BRWD3: variants seen among roughly 807,000 people sequenced by gnomAD.
BRWD3 encodes the protein bromodomain and WD repeat-containing protein 3.
In BRWD3, 10 loss-of-function variants were observed where a neutral mutation model predicts 149.7. The ratio of observed to expected loss-of-function variants is 0.07; its 90% CI spans 0.04 to 0.11. The LOEUF is 0.11. Ranked by LOEUF, BRWD3 falls within the 10% of genes least tolerant of loss-of-function variation. The pLI is 1.00. For synonymous variants in BRWD3, 504 were observed against 456.7 expected (o/e 1.10, Z -1.32); for missense variants, 940 against 1,373.2 (o/e 0.68, Z 4.99).
At chrX:80,719,782 A>G (rs2073118914) in intron 17 of BRWD3, 126 bp from the exon 18 acceptor site, 1 of 646,580 alleles carries the variant, frequency 1.5e-6, no homozygotes, top group Non-Finnish European at 2.4e-6. Context: ...AATAAAGTAT[A>G]TATCAAATGA....
chrX:80,730,259 A>G (rs988935446), intron 12 of BRWD3, among the ~76,000 whole-genome samples: 1 of 110,110 alleles, frequency 9.1e-6, no homozygotes, highest in Admixed American at 9.9e-5. Flanking sequence ...CCACATAAAA[A>G]TGTGTACATG....
At chrX:80,733,520 G>A (rs1397745671) in intron 11 of BRWD3, 24 bp from the exon 12 acceptor site, 6 of 1,151,278 alleles carry the variant, frequency 5.2e-6, no homozygotes, top group Non-Finnish European at 7.1e-6. Flanking sequence ...CAGATTTTTC[G>A]TTAAAATGGA....
At chrX:80,797,374 G>C (rs906841485) in intron 4 of BRWD3, among the ~76,000 whole-genome samples, 1 of 110,981 alleles carries the variant, frequency 9.0e-6, no homozygotes, top group Non-Finnish European at 1.9e-5. Context: ...AAGATATTCA[G>C]TTGTTACATA....
At chrX:80,760,380 C>T (rs1410319152) in intron 6 of BRWD3, among the ~76,000 whole-genome samples, 2 of 111,760 alleles carry the variant, frequency 1.8e-5, no homozygotes, top group East Asian at 5.6e-4. Context: ...ATATCACGAA[C>T]ATAGCAAAGA....
chrX:80,725,803 C>T (rs144011467), intron 14 of BRWD3, among the ~76,000 whole-genome samples: 477 of 90,916 alleles, frequency 5.2e-3, no homozygotes, highest in Non-Finnish European at 7.5e-3. Flanking sequence ...AACATGTTTA[C>T]ATGTGTTACA....
At chrX:80,744,350 T>G (rs1233712473) in intron 7 of BRWD3, 97 bp from the exon 8 acceptor site, 10 of 629,785 alleles carry the variant, frequency 1.6e-5, no homozygotes, top group Non-Finnish European at 5.2e-6. Context: ...TTAAATTACT[T>G]CTAAGCCTTT....
At chrX:80,800,437 G>T (rs1475203365) in intron 4 of BRWD3, among the ~76,000 whole-genome samples, 1 of 106,139 alleles carries the variant, frequency 9.4e-6, no homozygotes, top group Non-Finnish European at 1.9e-5. Context: ...AGCTATCAGA[G>T]GCTGAGGTGG....
chrX:80,808,397 TG>T, intron 4 of BRWD3, 141 bp downstream of exon 4: 1 of 491,105 alleles, frequency 2.0e-6, no homozygotes. Context: ...CTAGCAGGGA[TG>T]GGGGAAGGGG....
chrX:80,692,828 T>C (rs772572745), intron 28 of BRWD3, 112 bp downstream of exon 28: 241 of 597,711 alleles, frequency 4.0e-4, no homozygotes, highest in Non-Finnish European at 4.5e-4. Flanking sequence ...GGTACAGGTA[T>C]TGTGAGACTA....
intron 6 of BRWD3, among the ~76,000 whole-genome samples, chrX:80,752,658 T>C (rs1002210177): frequency 8.0e-5 from 9 of 111,880 alleles, no homozygotes; most frequent in Admixed American, 7.6e-4. Context: ...ATTAGTGATG[T>C]TGAGCATTTT....
At chrX:80,763,411 C>T (rs1023317339) in intron 6 of BRWD3, among the ~76,000 whole-genome samples, 1 of 111,470 alleles carries the variant, frequency 9.0e-6, no homozygotes, top group Non-Finnish European at 1.9e-5. Flanking sequence ...AGATTTCATC[C>T]CATATCTTAA....
chrX:80,762,180 A>T (rs751141625), intron 6 of BRWD3, among the ~76,000 whole-genome samples: 1 of 111,846 alleles, frequency 8.9e-6, no homozygotes, highest in Non-Finnish European at 1.9e-5. Context: ...TCTCGGAAGT[A>T]GTTTACAAGC....
At chrX:80,690,285 G>T (rs1455859053) in intron 31 of BRWD3, among the ~76,000 whole-genome samples, 193 bp from the exon 32 acceptor site, 1 of 110,545 alleles carries the variant, frequency 9.0e-6, no homozygotes, top group Non-Finnish European at 1.9e-5. Context: ...GCACAAGCAG[G>T]GATTCTGAAC....
intron 20 of BRWD3, among the ~76,000 whole-genome samples, chrX:80,713,007 G>A (rs1176989682): frequency 1.6e-4 from 18 of 109,967 alleles, no homozygotes; most frequent in East Asian, 1.2e-3. Context: ...CACCCCGTCC[G>A]GGAGGGAGGT....
At chrX:80,758,649 G>A (rs1161101401) in intron 6 of BRWD3, among the ~76,000 whole-genome samples, 1 of 110,144 alleles carries the variant, frequency 9.1e-6, no homozygotes, top group Admixed American at 9.7e-5. Context: ...CCTTGGGAAC[G>A]ACATTAAAAA....
chrX:80,799,156 A>T (rs1451195783), intron 4 of BRWD3, among the ~76,000 whole-genome samples: 1 of 112,270 alleles, frequency 8.9e-6, no homozygotes, highest in Non-Finnish European at 1.9e-5. Context: ...GAGCAAATCT[A>T]ATAACTGAAT....
At chrX:80,712,696 G>C (rs1403956079) in intron 20 of BRWD3, among the ~76,000 whole-genome samples, 1 of 110,463 alleles carries the variant, frequency 9.1e-6, no homozygotes. Flanking sequence ...TCCCATCTAG[G>C]AAGTGAGGAG....
chrX:80,786,392 G>A (rs2074107499), intron 6 of BRWD3, among the ~76,000 whole-genome samples: 1 of 110,857 alleles, frequency 9.0e-6, no homozygotes, highest in South Asian at 3.8e-4. Context: ...AGTGGCAAGA[G>A]AAGGGAACAT....
intron 4 of BRWD3, 62 bp downstream of exon 4, chrX:80,808,477 G>T (rs2074373013): frequency 5.3e-6 from 5 of 943,465 alleles, no homozygotes; most frequent in Admixed American, 4.8e-5. Flanking sequence ...CGGGTTGGGG[G>T]TACAAGGTGG....
Sources: gnomAD v4.1 joint callset for allele counts (sites outside exome capture counted in the v4.1 genomes callset) on GRCh38, gnomAD v4.1.1 for gene constraint, MANE v1.5 for transcripts, NCBI Gene and HGNC (gene_info 2026-07-23, HGNC 2026-07-21) for gene names.